Variants in GMDS observed in about 807,000 individuals in gnomAD.
GMDS encodes GDP-mannose 4,6-dehydratase.
In GMDS, 20 loss-of-function variants were observed where a neutral mutation model predicts 49.9. The observed-to-expected ratio is 0.40, with a 90% CI of 0.28 to 0.58. GMDS has a LOEUF of 0.58. Among genes scored for constraint, GMDS ranks in the 20% least tolerant of loss-of-function variants. GMDS has a pLI of 0.42. For missense variants in GMDS, 362 were observed against 481.4 expected (o/e 0.75, Z 2.32); for synonymous variants, 177 against 178.6 (o/e 0.99, Z 0.07).
rs1301493198 is a variant in GMDS, at chr6:1,969,228, C to G, written c.346-8262G>C. On this transcript the variant is annotated intron_variant, in intron 4 of 10. Coordinates refer to ENST00000380815, the MANE Select transcript of GMDS (RefSeq NM_001500.4). ...AGTGAGCTGAGATTGTGCCACTGCA[C>G]TCCAGCCTGGGTGACAGAGTGAGGC... Among the ~76,000 whole-genome samples, 4 of 119,900 alleles carry G rather than the reference C, an allele frequency of 3.3e-5. No homozygotes were observed. In the East Asian group the frequency reaches 8.2e-4, roughly 24 times the overall value. The allele number at this position is 119,900 out of a possible 152,430, so 78.7% of individuals were successfully genotyped here. A position where few individuals can be genotyped will look rare whatever the true frequency, so the allele number is the denominator to read the frequency against.
chr6:1,931,343 C>T (rs1427186678), intron 6 of GMDS, among the ~76,000 whole-genome samples: 2 of 152,188 alleles, frequency 1.3e-5, no homozygotes, highest in Non-Finnish European at 2.9e-5. Context: ...TTGGCAAGAA[C>T]GTGGCTTAGC....
intron 1 of GMDS, among the ~76,000 whole-genome samples, chr6:2,218,470 A>T (rs917636764): frequency 8.5e-5 from 13 of 152,224 alleles, no homozygotes; most frequent in Non-Finnish European, 1.3e-4. Flanking sequence ...CGTAAATTAC[A>T]AAATTTTTCA....
At chr6:2,181,321 C>G (rs766438565) in intron 1 of GMDS, among the ~76,000 whole-genome samples, 1 of 152,098 alleles carries the variant, frequency 6.6e-6, no homozygotes, top group Admixed American at 6.6e-5. Flanking sequence ...TGTCTCTGCT[C>G]GACAGATGGC....
chr6:1,669,917 C>CA (rs66490758), intron 9 of GMDS, among the ~76,000 whole-genome samples: 4,143 of 45,186 alleles, frequency 0.092, 625 homozygotes, highest in Admixed American at 0.17. Context: ...GACTCCATCT[C>CA]AAAAAAAAAA....
At position 1,872,017 on chromosome 6, in the gene GMDS, C is replaced by CAAAG. The variant is rs1758785344; in HGVS notation, c.771+58082_771+58085dup. On this transcript the variant is annotated intron_variant, in intron 7 of 10. Coordinates refer to ENST00000380815, the MANE Select transcript of GMDS (RefSeq NM_001500.4). ...GCACTTAATTCTAACTTCTGGCTAG[C>CAAAG]AAAGCATCCTCCTTTCCCTATTACT... Among the ~76,000 whole-genome samples, 4 of 152,216 alleles carry CAAAG rather than the reference C, an allele frequency of 2.6e-5. No homozygotes were observed. The South Asian group carries it at 8.3e-4, about 32-fold the overall frequency.
chr6:1,661,724 C>G (rs1195411165), intron 9 of GMDS, among the ~76,000 whole-genome samples: 1 of 152,236 alleles, frequency 6.6e-6, no homozygotes, highest in Non-Finnish European at 1.5e-5. Flanking sequence ...AAGAGTCTGA[C>G]AGAGAGCGAG....
At chr6:1,998,532 C>T (rs1020592830) in intron 4 of GMDS, among the ~76,000 whole-genome samples, 1 of 152,164 alleles carries the variant, frequency 6.6e-6, no homozygotes, top group African/African-American at 2.4e-5. Context: ...TATTAACAGT[C>T]AGCCCTTCGT....
intron 1 of GMDS, among the ~76,000 whole-genome samples, chr6:2,136,688 T>C (rs1179548178): frequency 6.6e-6 from 1 of 152,128 alleles, no homozygotes; most frequent in Non-Finnish European, 1.5e-5. Flanking sequence ...ACCACTGCAC[T>C]CAACCTGGGT....
intron 7 of GMDS, among the ~76,000 whole-genome samples, chr6:1,910,093 G>A (rs1391216414): frequency 2.0e-5 from 3 of 151,778 alleles, no homozygotes; most frequent in Non-Finnish European, 4.4e-5. Flanking sequence ...TAATATTTGG[G>A]ATTTATTGAC....
At chr6:1,936,864 G>A (rs1581388743) in intron 6 of GMDS, among the ~76,000 whole-genome samples, 2 of 151,812 alleles carry the variant, frequency 1.3e-5, no homozygotes, top group South Asian at 4.2e-4. Flanking sequence ...CTACTCAGGA[G>A]GCTGAGGCAC....
intron 9 of GMDS, among the ~76,000 whole-genome samples, chr6:1,710,846 G>A (rs1388744841): frequency 6.6e-6 from 1 of 152,232 alleles, no homozygotes; most frequent in East Asian, 1.9e-4. Context: ...AAGCACCCCT[G>A]TGAGTTTGTG....
At chr6:1,709,711 CT>C (rs1229994343) in intron 9 of GMDS, among the ~76,000 whole-genome samples, 1 of 152,202 alleles carries the variant, frequency 6.6e-6, no homozygotes, top group Non-Finnish European at 1.5e-5. Context: ...GCTATTTAGA[CT>C]GCTGCTTACA....
intron 7 of GMDS, among the ~76,000 whole-genome samples, chr6:1,859,540 C>G (rs1229867693): frequency 6.6e-6 from 1 of 152,140 alleles, no homozygotes; most frequent in African/African-American, 2.4e-5. Context: ...GCACTTCAAA[C>G]CTTTGCCTTT....
At chr6:2,066,561 G>C (rs1356229985) in intron 4 of GMDS, among the ~76,000 whole-genome samples, 1 of 151,900 alleles carries the variant, frequency 6.6e-6, no homozygotes, top group Admixed American at 6.6e-5. Flanking sequence ...CAAAATAAAA[G>C]GATGAAGATC....
At chr6:1,673,726 C>A (rs1432871070) in intron 9 of GMDS, among the ~76,000 whole-genome samples, 1 of 152,084 alleles carries the variant, frequency 6.6e-6, no homozygotes, top group Non-Finnish European at 1.5e-5. Flanking sequence ...TGGGCAAACA[C>A]TGATCTTTTA....
At chr6:1,726,377 CA>C (rs1561759915) in intron 9 of GMDS, 38 bp downstream of exon 9, 5 of 1,395,074 alleles carry the variant, frequency 3.6e-6, no homozygotes, top group Non-Finnish European at 5.1e-6. Context: ...GCCAGCCAGC[CA>C]AATGTGGCCA....
At chr6:1,894,880 G>A (rs1361261710) in intron 7 of GMDS, among the ~76,000 whole-genome samples, 2 of 152,112 alleles carry the variant, frequency 1.3e-5, no homozygotes, top group Admixed American at 6.5e-5. Context: ...GTTGAGGTAC[G>A]GGATTTTACT....
intron 2 of GMDS, among the ~76,000 whole-genome samples, chr6:2,124,055 T>G (rs1581683134): frequency 6.6e-6 from 1 of 151,478 alleles, no homozygotes. Flanking sequence ...TTTTTTTTTC[T>G]GTATAGCATG....
At chr6:2,086,742 T>C (rs940212124) in intron 4 of GMDS, among the ~76,000 whole-genome samples, 2 of 152,356 alleles carry the variant, frequency 1.3e-5, no homozygotes, top group Non-Finnish European at 2.9e-5. Context: ...AATAACACAA[T>C]GAAGAGGTGA....
Sources: gnomAD v4.1 joint callset for allele counts (sites outside exome capture counted in the v4.1 genomes callset) on GRCh38, gnomAD v4.1.1 for gene constraint, MANE v1.5 for transcripts, NCBI Gene and HGNC (gene_info 2026-07-23, HGNC 2026-07-21) for gene names.